SSBP3: variants seen among roughly 807,000 people sequenced by gnomAD.
SSBP3 encodes single stranded DNA binding protein 3.
In SSBP3, 5 loss-of-function variants were observed where a neutral mutation model predicts 69.6. The ratio of observed to expected loss-of-function variants is 0.07; its 90% CI spans 0.04 to 0.15. The LOEUF is 0.15. Ranked by LOEUF, SSBP3 falls within the 10% of genes least tolerant of loss-of-function variation. The pLI, the probability that SSBP3 is intolerant of heterozygous loss-of-function variation, is 1.00. For synonymous variants in SSBP3, 196 were observed against 193.4 expected, an observed-to-expected ratio of 1.01 and a Z score of -0.11; for missense variants, 312 against 534.0, an observed-to-expected ratio of 0.58 and a Z score of 4.10.
rs144337944 is a variant in SSBP3, at chr1:54,376,917, A to G, written c.276+24944T>C. Among the ~76,000 whole-genome samples, 31 of 152,304 alleles carry G rather than the reference A, an allele frequency of 2.0e-4. No homozygotes were observed. In the East Asian group the frequency reaches 5.8e-3, roughly 28 times the overall value. On this transcript the variant is annotated intron_variant, in intron 4 of 17. Transcript: ENST00000610401. ...TGACCAAGTCATGACCATGACAATG[A>G]TGACTCACACACAAAGAGCCTGGCC...
At chr1:54,311,984 T>C (rs868082768) in intron 4 of SSBP3, among the ~76,000 whole-genome samples, 3 of 152,078 alleles carry the variant, frequency 2.0e-5, no homozygotes, top group Non-Finnish European at 2.9e-5. Context: ...CTCTCCAGCA[T>C]CCACCGGCTG....
chr1:54,262,581 G>C (rs1035927773), intron 5 of SSBP3, among the ~76,000 whole-genome samples: 18 of 152,182 alleles, frequency 1.2e-4, no homozygotes, highest in Non-Finnish European at 5.9e-5. Flanking sequence ...GGACAAAAAC[G>C]ATTACACAGA....
At chr1:54,399,636 T>G (rs1649152254) in intron 4 of SSBP3, among the ~76,000 whole-genome samples, 1 of 151,934 alleles carries the variant, frequency 6.6e-6, no homozygotes, top group Non-Finnish European at 1.5e-5. Context: ...TTTGAATGGG[T>G]AAGAGAGGAA....
intron 4 of SSBP3, among the ~76,000 whole-genome samples, chr1:54,357,200 G>C (rs532847972): frequency 6.6e-6 from 1 of 152,282 alleles, no homozygotes; most frequent in Admixed American, 6.5e-5. Flanking sequence ...GTGCGAGTGA[G>C]GAAGGCAGCC....
intron 4 of SSBP3, among the ~76,000 whole-genome samples, chr1:54,313,654 C>T (rs934866193): frequency 6.6e-6 from 1 of 152,060 alleles, no homozygotes; most frequent in Non-Finnish European, 1.5e-5. Flanking sequence ...GCCCTGCAGC[C>T]GTAGGCTGCC....
At chr1:54,303,509 C>T (rs2101011637) in intron 4 of SSBP3, among the ~76,000 whole-genome samples, 1 of 152,320 alleles carries the variant, frequency 6.6e-6, no homozygotes, top group East Asian at 1.9e-4. Context: ...TCATCCCGTT[C>T]AATCCTGACG....
At chr1:54,308,052 C>A (rs997511683) in intron 4 of SSBP3, among the ~76,000 whole-genome samples, 5 of 152,204 alleles carry the variant, frequency 3.3e-5, no homozygotes, top group Non-Finnish European at 7.3e-5. Flanking sequence ...ATTGGGACCC[C>A]TTTCCTGTAA....
At chr1:54,319,381 G>GATTTTTT in intron 4 of SSBP3, among the ~76,000 whole-genome samples, 1 of 152,062 alleles carries the variant, frequency 6.6e-6, no homozygotes, top group African/African-American at 2.4e-5. Context: ...GGGAGTTGCA[G>GATTTTTT]AGTGACCCGC....
At chr1:54,382,758 G>A (rs1647751117) in intron 4 of SSBP3, among the ~76,000 whole-genome samples, 1 of 151,970 alleles carries the variant, frequency 6.6e-6, no homozygotes, top group Non-Finnish European at 1.5e-5. Context: ...GACTGAGGCA[G>A]GTGGATCACC....
intron 5 of SSBP3, among the ~76,000 whole-genome samples, chr1:54,277,072 T>C (rs1221009487): frequency 6.6e-6 from 1 of 152,180 alleles, no homozygotes; most frequent in Non-Finnish European, 1.5e-5. Flanking sequence ...ATGCCTTGCA[T>C]ATCAGAGACG....
chr1:54,259,520 C>T (rs1323009725), intron 5 of SSBP3, among the ~76,000 whole-genome samples: 3 of 152,218 alleles, frequency 2.0e-5, no homozygotes, highest in African/African-American at 7.2e-5. Flanking sequence ...ATTCGCTCTT[C>T]CCCACCCATG....
At chr1:54,271,594 C>T (rs1008332748) in intron 5 of SSBP3, among the ~76,000 whole-genome samples, 12 of 114,912 alleles carry the variant, frequency 1.0e-4, no homozygotes, top group African/African-American at 4.3e-4. Context: ...TGTTCACAGC[C>T]ACTCTGCGGC....
chr1:54,342,192 A>C (rs1368649526), intron 4 of SSBP3, among the ~76,000 whole-genome samples: 1 of 152,242 alleles, frequency 6.6e-6, no homozygotes, highest in African/African-American at 2.4e-5. Flanking sequence ...CCAGGTCTGG[A>C]ACTGGAAGGT....
intron 4 of SSBP3, among the ~76,000 whole-genome samples, chr1:54,303,108 G>C (rs17392881): frequency 0.25 from 37,611 of 152,170 alleles, 5,408 homozygotes; most frequent in Middle Eastern, 0.38. Flanking sequence ...AGACAAGAGC[G>C]AGGCACACCG....
intron 7 of SSBP3, among the ~76,000 whole-genome samples, chr1:54,253,947 C>G (rs1644875541): frequency 6.6e-6 from 1 of 152,240 alleles, no homozygotes; most frequent in Non-Finnish European, 1.5e-5. Flanking sequence ...CTGGGCTGTT[C>G]AGAGGCTCAG....
At chr1:54,324,895 A>G (rs1646273697) in intron 4 of SSBP3, among the ~76,000 whole-genome samples, 2 of 152,116 alleles carry the variant, frequency 1.3e-5, no homozygotes, top group African/African-American at 4.8e-5. Context: ...CATGTTGCCA[A>G]ACTTCCCGGC....
chr1:54,310,100 G>A (rs1159173585), intron 4 of SSBP3, among the ~76,000 whole-genome samples: 1 of 152,124 alleles, frequency 6.6e-6, no homozygotes, highest in Non-Finnish European at 1.5e-5. Flanking sequence ...CAACTCCAAG[G>A]GCCCCAGCAC....
chr1:54,320,714 G>A (rs1264456218), intron 4 of SSBP3, among the ~76,000 whole-genome samples: 2 of 152,178 alleles, frequency 1.3e-5, no homozygotes, highest in African/African-American at 2.4e-5. Context: ...GGAACTGGGG[G>A]CAGACACAGA....
chr1:54,382,927 G>A (rs1483390066), intron 4 of SSBP3, among the ~76,000 whole-genome samples: 1 of 147,366 alleles, frequency 6.8e-6, no homozygotes, highest in Non-Finnish European at 1.5e-5. Flanking sequence ...GGAGGCTGCG[G>A]TGAGCCGAGA....
Sources: gnomAD v4.1 joint callset for allele counts (sites outside exome capture counted in the v4.1 genomes callset) on GRCh38, gnomAD v4.1.1 for gene constraint, MANE v1.5 for transcripts, NCBI Gene and HGNC (gene_info 2026-07-23, HGNC 2026-07-21) for gene names.